SPTA1: variants seen among roughly 807,000 people sequenced by gnomAD.
The protein encoded by SPTA1 is spectrin alpha, erythrocytic 1.
In SPTA1, 177 loss-of-function variants were observed where a neutral mutation model predicts 324.7. The observed-to-expected ratio is 0.55, with a 90% CI of 0.48 to 0.62. SPTA1 has a LOEUF of 0.62. Ranked by LOEUF, SPTA1 falls within the 20% of genes least tolerant of loss-of-function variation. The probability of loss-of-function intolerance (pLI) is 0.00; values close to 1 mark genes in which losing one functional copy is unlikely to be tolerated. For synonymous variants in SPTA1, 1,195 were observed against 1,041.3 expected (o/e 1.15, Z -2.84); for missense variants, 3,162 against 2,883.6 (o/e 1.10, Z -2.21).
At chr1:158,677,950 C>T in intron 6 of SPTA1, 116 bp from the exon 7 acceptor site, 1 of 1,284,408 alleles carries the variant, frequency 7.8e-7, no homozygotes, top group South Asian at 1.2e-5. Context: ...ATTATCCTTT[C>T]TTCCTACATA....
intron 40 of SPTA1, 150 bp from the exon 41 acceptor site, chr1:158,627,157 G>T: frequency 2.1e-6 from 2 of 943,182 alleles, no homozygotes; most frequent in Non-Finnish European, 3.3e-6. Flanking sequence ...AGGAGGTAGG[G>T]AGTCATCTCT....
Position 158,664,581 on chromosome 1 carries a change from A to G in SPTA1, c.2221-1636T>C, listed in dbSNP as rs573261111. On this transcript the variant is annotated intron_variant, in intron 16 of 51. Coordinates refer to ENST00000643759, the MANE Select transcript of SPTA1 (RefSeq NM_003126.4). ...CTTAAAATCTAGATGACAGGTTGAT[A>G]GGTGCAGCAAACCACCATGGTACAT... is the stretch of plus-strand genomic sequence containing the variant. Among the ~76,000 whole-genome samples, 13 of 152,322 alleles carry G rather than the reference A, an allele frequency of 8.5e-5. No individual in the cohort carries two copies. In the South Asian group the frequency reaches 2.7e-3, roughly 32 times the overall value.
Position 158,644,311 on chromosome 1 carries a change from T to C in SPTA1, c.4280A>G (p.Asp1427Gly), listed in dbSNP as rs1429219315. The C allele has an allele frequency of 6.2e-7, 1 of 1,613,968 alleles. No homozygotes were observed. The highest frequency in any genetic ancestry group is 1.1e-5 in the South Asian group (1 of 91,086). ...TTTCTTCATCAAAGCCTCCAGACTG[T>C]CTAAGGAACTTTTGTCATCTGACCT... ...SLRSDDKSSL[D>G]SLEALMKKRD... Residue 1427 changes from aspartate (D) to glycine (G), a missense_variant, in exon 30 of 52, where the codon GAC (aspartate) becomes GGC (glycine). By Grantham distance (94) the Asp-to-Gly change is moderately conservative. Coordinates refer to ENST00000643759, the MANE Select transcript of SPTA1 (RefSeq NM_003126.4).
intron 39 of SPTA1, among the ~76,000 whole-genome samples, chr1:158,630,932 A>G (rs1650632012): frequency 6.6e-6 from 1 of 152,162 alleles, no homozygotes; most frequent in Non-Finnish European, 1.5e-5. Flanking sequence ...ATGAGGTATC[A>G]CCTTACTCCT....
chr1:158,638,919 C>G (rs1316945571), intron 35 of SPTA1, among the ~76,000 whole-genome samples: 1 of 152,102 alleles, frequency 6.6e-6, no homozygotes, highest in Non-Finnish European at 1.5e-5. Flanking sequence ...GGGCAACATT[C>G]TTAGCTGCCC....
rs1253032928 is a variant in SPTA1 at position 158,636,043 on chromosome 1, C to T, written c.5311-9G>A. Reference sequence around the variant, plus strand: ...GCCATATCCAGCACATTCTGAAGAACAACCCCGATACATGTTCCATTACCC... The same window carrying T: ...GCCATATCCAGCACATTCTGAAGAATAACCCCGATACATGTTCCATTACCC... On this transcript the variant is annotated splice_polypyrimidine_tract_variant and intron_variant, in intron 37 of 51. Transcript: ENST00000643759. 6.2e-7 allele frequency: 1 copy of T among 1,614,146 alleles called. No homozygotes were observed.
rs190109011 is a variant in SPTA1 at position 158,629,797 on chromosome 1, C to T, written c.5566-2074G>A. On this transcript the variant is annotated intron_variant, in intron 39 of 51. Transcript: ENST00000643759. The stretch of plus-strand genomic sequence containing the variant: ...AAACTGTTAGAACTAGTAAACCAAT[C>T]AGCAAAGTTACAGAATAAAACTCAA... Among the ~76,000 whole-genome samples, 192 of 152,018 alleles carry T rather than the reference C, an allele frequency of 1.3e-3. 2 individuals are homozygous for T. Among genetic ancestry groups the T allele is most frequent in the South Asian group, 2.1e-3 (10 of 4,826 alleles).
chr1:158,618,909 T>C (rs904576006), intron 45 of SPTA1, among the ~76,000 whole-genome samples: 13 of 152,170 alleles, frequency 8.5e-5, no homozygotes, highest in African/African-American at 2.7e-4. Flanking sequence ...AAGTGCAATA[T>C]GGCATGTGAA....
Position 158,674,607 on chromosome 1 carries a change from T to G in SPTA1, c.1181A>C (p.Asn394Thr). 1.9e-6 allele frequency: 3 copies of G among 1,614,128 alleles called. No individual in the cohort carries two copies. In the South Asian group the frequency reaches 3.3e-5, roughly 18 times the overall value. Reference sequence around the variant, plus strand: ...CACATCTGTTGGCAGCTCATCAGCATTGATCGCAGCAGTCTTCTCGTTCAT... The same window carrying G: ...CACATCTGTTGGCAGCTCATCAGCAGTGATCGCAGCAGTCTTCTCGTTCAT... ...GWMNEKTAAI[N>T]ADELPTDVAG... Residue 394 changes from asparagine to threonine, a missense_variant, in exon 9 of 52, where the codon AAT (asparagine) becomes ACT (threonine). Coordinates refer to ENST00000643759, the MANE Select transcript of SPTA1 (RefSeq NM_003126.4).
At chr1:158,685,388 T>G (rs371334344) in intron 1 of SPTA1, 41 bp from the exon 2 acceptor site, 65 of 1,607,348 alleles carry the variant, frequency 4.0e-5, no homozygotes, top group Non-Finnish European at 5.0e-5. Flanking sequence ...AGTTCTCAAA[T>G]ATTTAACATG....
chr1:158,684,516 G>C (rs1024097262), intron 2 of SPTA1, among the ~76,000 whole-genome samples: 1 of 152,034 alleles, frequency 6.6e-6, no homozygotes, highest in Non-Finnish European at 1.5e-5. Flanking sequence ...ATTCTATACA[G>C]AATAAATCTC....
Position 158,645,313 on chromosome 1 carries a change from C to G in SPTA1, c.4069G>C (p.Asp1357His). 2 of 1,613,980 alleles carry G rather than the reference C, an allele frequency of 1.2e-6. No homozygotes were observed. Among genetic ancestry groups the G allele is most frequent in the Non-Finnish European group, 1.7e-6 (2 of 1,179,960 alleles). The change falls in exon 29 of 52, where the codon GAC becomes CAC. Residue 1357 changes from aspartate to histidine, a missense_variant. Transcript: ENST00000643759. ...TCAGGGCTAGCATGGTGCCCACTGT[C>G]GATAAGTTCTGCACTGAAGTCCTCT... ...ALEDFSAELI[D>H]SGHHASPEIE...
Position 158,636,149 on chromosome 1 carries a change from C to T in SPTA1, c.5311-115G>A, listed in dbSNP as rs141395284. On this transcript the variant is annotated intron_variant, in intron 37 of 51. Transcript: ENST00000643759. The stretch of plus-strand genomic sequence containing the variant: ...CCCTCCAGATTATTTATAAACTCCA[C>T]GGGACTTTGTGAGGGTCCTGAAAGT... The T allele has an allele frequency of 2.7e-4, 418 of 1,571,482 alleles. 1 individual carries two copies. Among genetic ancestry groups the T allele is most frequent in the South Asian group, 1.5e-3 (132 of 89,422 alleles).
In SPTA1 at chr1:158,639,821, C is replaced by G. The variant is rs753128995; in HGVS notation, c.4875+49G>C. The G allele has an allele frequency of 2.7e-5, 43 of 1,613,450 alleles. No individual in the cohort carries two copies. In the East Asian group the frequency reaches 9.6e-4, roughly 36 times the overall value. On this transcript the variant is annotated intron_variant, in intron 34 of 51. Transcript: ENST00000643759. The stretch of plus-strand genomic sequence containing the variant: ...CCCATGGGTAAATTCATTTGTCTGA[C>G]AAGTATGTATTAAACTCTTGTGTCT...
In SPTA1 at chr1:158,685,271, C is replaced by T. The variant is rs567686069; in HGVS notation, c.101G>A (p.Arg34Gln). 14 of 1,613,732 alleles carry T rather than the reference C, an allele frequency of 8.7e-6. No homozygotes were observed. Among genetic ancestry groups the T allele is most frequent in the East Asian group, 2.2e-5 (1 of 44,860 alleles). The change falls in exon 2 of 52, where the codon CGG (arginine) becomes CAG (glutamine). Residue 34 changes from arginine to glutamine, a missense_variant. Physicochemically the swap from Arg to Gln is conservative, Grantham distance 43. Transcript: ENST00000643759. Reference protein sequence around the residue: ...IQERRQEVLTRYQSFKERVAE... With the variant: ...IQERRQEVLTQYQSFKERVAE... ...GACCCGCTCCTTGAAACTTTGATACCGAGTCAACACTTCCTGACGCCTCTC... is the reference window on the plus strand; with the variant it reads ...GACCCGCTCCTTGAAACTTTGATACTGAGTCAACACTTCCTGACGCCTCTC...
chr1:158,623,081 C>A lies in SPTA1; in HGVS notation c.6022G>T (p.Glu2008Ter). Residue 2008 changes from glutamate (E) to a stop codon, truncating the protein, a stop_gained, in exon 43 of 52, where the codon GAG becomes TAG. Coordinates refer to ENST00000643759, the MANE Select transcript of SPTA1 (RefSeq NM_003126.4). LOFTEE classifies it high-confidence loss of function. ...AQHNQSKAIE[E>*]RYAALLKRWE... ...CGCTTCAGCAGAGCGGCATAACGCTCTTCAATGGCTTTAGACTGGTTGTGT... is the reference window on the plus strand; with the variant it reads ...CGCTTCAGCAGAGCGGCATAACGCTATTCAATGGCTTTAGACTGGTTGTGT... The A allele has an allele frequency of 6.2e-7, 1 of 1,614,168 alleles. No individual in the cohort carries two copies. The highest frequency in any genetic ancestry group is 8.5e-7 in the Non-Finnish European group (1 of 1,180,038).
rs892979067 is a variant in SPTA1, at chr1:158,683,630, C to T, written c.265-134G>A. The T allele has an allele frequency of 1.0e-5, 12 of 1,161,272 alleles. No individual in the cohort carries two copies. In the Admixed American group the frequency reaches 1.4e-4, roughly 13 times the overall value. 71.9% of individuals were successfully genotyped at this position (1,161,272 alleles called of 1,614,324 possible). On this transcript the variant is annotated intron_variant, in intron 2 of 51. Transcript: ENST00000643759. ...GAGGCCATAAAGAGTATTTTCCTGT[C>T]CCCACTGGCTTTAGGAAGTTTTCAG...
At chr1:158,633,262 T>C (rs1650807686) in intron 39 of SPTA1, among the ~76,000 whole-genome samples, 1 of 152,230 alleles carries the variant, frequency 6.6e-6, no homozygotes, top group African/African-American at 2.4e-5. Flanking sequence ...ACAATGTCAA[T>C]ATCCCATTTA....
intron 8 of SPTA1, among the ~76,000 whole-genome samples, chr1:158,675,129 T>C (rs946914175): frequency 6.6e-6 from 1 of 152,142 alleles, no homozygotes; most frequent in Non-Finnish European, 1.5e-5. Context: ...GCAAAACAGT[T>C]TCCTATTTTA....
Sources: allele counts gnomAD v4.1 joint callset (sites outside exome capture counted in the v4.1 genomes callset), GRCh38; gene constraint gnomAD v4.1.1; transcripts MANE v1.5; gene names NCBI Gene and HGNC (gene_info 2026-07-23, HGNC 2026-07-21).